Variants in CDC14A observed in about 807,000 individuals in gnomAD.
CDC14A encodes cell division cycle 14A, also known as dual specificity protein phosphatase CDC14A.
In CDC14A, 53 loss-of-function variants were observed where a neutral mutation model predicts 74.4. The ratio of observed to expected loss-of-function variants is 0.71; its 90% confidence interval spans 0.57 to 0.89. CDC14A has a LOEUF of 0.89. CDC14A is among the 40% of genes least tolerant of loss of function. The pLI, the probability that CDC14A is intolerant of heterozygous loss-of-function variation, is 0.00. For missense variants in CDC14A, 646 were observed against 713.7 expected (o/e 0.91, Z 1.08); for synonymous variants, 247 against 258.4 (o/e 0.96, Z 0.43).
upstream of CDC14A, chr1:100,351,629 C>A: frequency 1.2e-6 from 1 of 844,188 alleles, no homozygotes; most frequent in Non-Finnish European, 1.9e-6. Context: ...CTGTTCCCTC[C>A]GCGCCCGCCC....
intron 15 of CDC14A, among the ~76,000 whole-genome samples, chr1:100,514,448 C>T (rs1181368981): frequency 2.0e-5 from 3 of 151,832 alleles, no homozygotes; most frequent in African/African-American, 7.3e-5. Flanking sequence ...TTTTTTTATT[C>T]ACTCAGAATC....
rs1236585942 is a variant in CDC14A at position 100,418,428 on chromosome 1, A to G, written c.310-5794A>G. Reference sequence around the variant, plus strand: ...AATACCAGAGATATCAGGTATGTTTAGGGAAGGGTGAGGAGTCCAGGCTAG... The same window carrying G: ...AATACCAGAGATATCAGGTATGTTTGGGGAAGGGTGAGGAGTCCAGGCTAG... On this transcript the variant is annotated intron_variant, in intron 4 of 15. Transcript: ENST00000336454. Among the ~76,000 whole-genome samples the G allele has an allele frequency of 3.9e-5, 6 of 152,314 alleles. No homozygotes were observed. The East Asian group carries it at 1.2e-3, about 29-fold the overall frequency.
At chr1:100,374,009 G>A (rs1654871552) in intron 2 of CDC14A, among the ~76,000 whole-genome samples, 1 of 152,006 alleles carries the variant, frequency 6.6e-6, no homozygotes, top group Non-Finnish European at 1.5e-5. Context: ...CTGTGTCCAT[G>A]TATTCTCATT....
chr1:100,391,182 T>A (rs945357859), intron 4 of CDC14A: 19 of 285,138 alleles, frequency 6.7e-5, no homozygotes, highest in Non-Finnish European at 1.0e-4. Flanking sequence ...TGGAAGATTT[T>A]AAAAGACTTG....
At chr1:100,504,966 CTTTAT>C in intron 15 of CDC14A, 7 of 1,501,486 alleles carry the variant, frequency 4.7e-6, no homozygotes, top group Admixed American at 2.0e-5. Flanking sequence ...ATAATTAATA[CTTTAT>C]TTTATCATGT....
chr1:100,369,418 A>G (rs2100921408), intron 2 of CDC14A, among the ~76,000 whole-genome samples: 1 of 152,258 alleles, frequency 6.6e-6, no homozygotes, highest in South Asian at 2.1e-4. Context: ...ACTTTTTAAT[A>G]GTAGCCATTC....
At chr1:100,438,670 T>C (rs1383938378) in intron 5 of CDC14A, among the ~76,000 whole-genome samples, 2 of 152,234 alleles carry the variant, frequency 1.3e-5, no homozygotes, top group Non-Finnish European at 2.9e-5. Flanking sequence ...TTTCAGGACT[T>C]AAGCATTCTG....
chr1:100,354,330 G>A (rs780819965), intron 2 of CDC14A, among the ~76,000 whole-genome samples: 33 of 152,232 alleles, frequency 2.2e-4, no homozygotes, highest in Admixed American at 7.9e-4. Flanking sequence ...CACATTAACT[G>A]CGGGGAGCTG....
chr1:100,348,643 A>G (rs1170662026), upstream of CDC14A, among the ~76,000 whole-genome samples: 1 of 152,232 alleles, frequency 6.6e-6, no homozygotes, highest in Non-Finnish European at 1.5e-5. Context: ...GTAGAAGAAA[A>G]TGGAGATATT....
chr1:100,515,581 C>A (rs144447073), intron 15 of CDC14A, among the ~76,000 whole-genome samples: 1 of 151,998 alleles, frequency 6.6e-6, no homozygotes, highest in African/African-American at 2.4e-5. Flanking sequence ...GATGGAGTTT[C>A]GCCATGTTGG....
chr1:100,460,969 A>G (rs916587419), intron 8 of CDC14A, among the ~76,000 whole-genome samples: 5 of 152,268 alleles, frequency 3.3e-5, no homozygotes, highest in African/African-American at 1.2e-4. Context: ...GAAGATGAAC[A>G]GGACCCAAGT....
At chr1:100,466,178 A>G (rs1667788331) in intron 9 of CDC14A, among the ~76,000 whole-genome samples, 1 of 151,804 alleles carries the variant, frequency 6.6e-6, no homozygotes, top group Non-Finnish European at 1.5e-5. Flanking sequence ...GGAGCCATCC[A>G]GGTCTTTGCA....
chr1:100,482,453 G>A (rs1240841851), intron 10 of CDC14A, among the ~76,000 whole-genome samples: 1 of 151,978 alleles, frequency 6.6e-6, no homozygotes, highest in African/African-American at 2.4e-5. Context: ...CTCTTAGCTG[G>A]GTAAGTCCTG....
At chr1:100,423,918 C>T (rs1475165968) in intron 4 of CDC14A, 7 of 274,302 alleles carry the variant, frequency 2.6e-5, no homozygotes, top group East Asian at 7.2e-5. Flanking sequence ...GGTGAGCACA[C>T]GGTATATTAT....
chr1:100,386,679 C>T (rs1018304656), intron 3 of CDC14A, among the ~76,000 whole-genome samples: 1 of 152,112 alleles, frequency 6.6e-6, no homozygotes. Flanking sequence ...TCCTGTGGTC[C>T]CAGCTACAGA....
At chr1:100,378,230 A>G (rs1655578772) in intron 3 of CDC14A, among the ~76,000 whole-genome samples, 1 of 152,046 alleles carries the variant, frequency 6.6e-6, no homozygotes. Flanking sequence ...GGATTTTGGC[A>G]TGTGGCTTTT....
At chr1:100,391,313 T>A (rs1210871953) in intron 4 of CDC14A, among the ~76,000 whole-genome samples, 4 of 147,122 alleles carry the variant, frequency 2.7e-5, no homozygotes, top group Admixed American at 2.6e-4. Flanking sequence ...TGAATATAAA[T>A]CCTGCATATA....
chr1:100,514,661 C>T (rs1214154801), intron 15 of CDC14A, among the ~76,000 whole-genome samples: 1 of 152,150 alleles, frequency 6.6e-6, no homozygotes, highest in African/African-American at 2.4e-5. Context: ...CTAATTACTG[C>T]TTTGTGCCTC....
chr1:100,374,272 G>A (rs1368940057), intron 2 of CDC14A, among the ~76,000 whole-genome samples: 2 of 152,146 alleles, frequency 1.3e-5, no homozygotes, highest in Non-Finnish European at 2.9e-5. Context: ...ACGTACGTGT[G>A]CATGTGTCTT....
Sources: allele counts gnomAD v4.1 joint callset (sites outside exome capture counted in the v4.1 genomes callset), GRCh38; gene constraint gnomAD v4.1.1; transcripts MANE v1.5; gene names NCBI Gene and HGNC (gene_info 2026-07-23, HGNC 2026-07-21).